Variants in LRRC49 observed in about 807,000 individuals in gnomAD.
LRRC49 encodes leucine rich repeat containing 49, also known as leucine-rich repeat-containing protein 49.
A neutral mutation model predicts 83.3 loss-of-function variants in LRRC49; 50 were observed. The observed-to-expected ratio is 0.60, with a 90% CI of 0.48 to 0.76. LRRC49 has a LOEUF of 0.76. Among genes scored for constraint, LRRC49 ranks in the 30% least tolerant of loss-of-function variants. The pLI is 0.00. For missense variants in LRRC49, 704 were observed against 809.1 expected, an observed-to-expected ratio of 0.87 and a Z score of 1.58; for synonymous variants, 286 against 283.3, an observed-to-expected ratio of 1.01 and a Z score of -0.10.
intron 6 of LRRC49, among the ~76,000 whole-genome samples, chr15:70,917,364 G>GC (rs1327150717): frequency 6.6e-6 from 1 of 152,088 alleles, no homozygotes; most frequent in African/African-American, 2.4e-5. Flanking sequence ...CCGCCCATGG[G>GC]CCAATCAGCA....
chr15:70,879,546 G>A (rs1021494028), intron 2 of LRRC49, among the ~76,000 whole-genome samples: 1 of 152,202 alleles, frequency 6.6e-6, no homozygotes, highest in Non-Finnish European at 1.5e-5. Context: ...TAGCAGCTAA[G>A]CTAAGGCTTG....
chr15:70,924,859 C>T (rs532833323), intron 7 of LRRC49, among the ~76,000 whole-genome samples: 10 of 152,032 alleles, frequency 6.6e-5, no homozygotes, highest in South Asian at 6.2e-4. Flanking sequence ...TTTTCCCAGA[C>T]GTTTGAATAT....
chr15:70,875,656 T>C (rs1398465706), intron 2 of LRRC49, among the ~76,000 whole-genome samples: 1 of 152,194 alleles, frequency 6.6e-6, no homozygotes, highest in Non-Finnish European at 1.5e-5. Flanking sequence ...GTGTTCTAGG[T>C]TTTTCATATT....
chr15:70,900,966 A>G lies in LRRC49; in HGVS notation c.238A>G (p.Ile80Val), dbSNP rs1595996883. ...GAGCTCATCATTGTCATCATTTCCT[A>G]TTCTTCAACGTTCTTCTGAAGAGAA... ...LVSSSLSSFP[I>V]LQRSSEEKIL... Residue 80 changes from isoleucine to valine, a missense_variant, in exon 4 of 16, where the codon ATT becomes GTT. Around this residue, in one of 3 missense-constraint regions of LRRC49, gnomAD observed 261 missense variants for 330.5 expected, o/e 0.79. Transcript: ENST00000260382. The G allele has an allele frequency of 1.2e-6, 2 of 1,611,196 alleles. No individual in the cohort carries two copies. The highest frequency in any genetic ancestry group is 1.1e-5 in the South Asian group (1 of 90,632).
At chr15:70,915,260 T>A (rs571005583) in intron 6 of LRRC49, among the ~76,000 whole-genome samples, 145 of 152,238 alleles carry the variant, frequency 9.5e-4, no homozygotes, top group Non-Finnish European at 1.6e-3. Flanking sequence ...TGGGTCTATA[T>A]ACAAGAATTA....
chr15:70,984,785 C>G (rs1378475038), intron 11 of LRRC49, among the ~76,000 whole-genome samples: 1 of 119,698 alleles, frequency 8.4e-6, no homozygotes, highest in East Asian at 2.9e-4. Context: ...CCCCCTCCCC[C>G]CACCCCACAA....
At chr15:70,858,807 G>A (rs751129008) in intron 1 of LRRC49, 124 of 823,500 alleles carry the variant, frequency 1.5e-4, no homozygotes, top group Non-Finnish European at 2.0e-4. Flanking sequence ...CCCAGTGCCC[G>A]CATCAGCACC....
rs116523072 is a variant in LRRC49 at position 71,048,763 on chromosome 15, G to C, written c.1858-646G>C. On this transcript the variant is annotated intron_variant, in intron 15 of 15. Coordinates refer to ENST00000260382, the MANE Select transcript of LRRC49 (RefSeq NM_017691.5). Reference sequence around the variant, plus strand: ...TCCAAAATTCCTCTGTTGTGTTTAGGACCAGGTTTTTCATTTTCACACTGC... The same window carrying C: ...TCCAAAATTCCTCTGTTGTGTTTAGCACCAGGTTTTTCATTTTCACACTGC... 310 of 455,836 alleles carry C rather than the reference G, an allele frequency of 6.8e-4. 1 individual carries two copies. The highest frequency in any genetic ancestry group is 5.6e-3 in the African/African-American group (283 of 50,144). 28.2% of individuals were successfully genotyped at this position (455,836 alleles called of 1,614,324 possible).
intron 15 of LRRC49, among the ~76,000 whole-genome samples, chr15:71,045,261 A>C (rs1288476098): frequency 6.6e-6 from 1 of 152,218 alleles, no homozygotes; most frequent in African/African-American, 2.4e-5. Flanking sequence ...ACTTTTTAAT[A>C]AAAATTTCAA....
chr15:70,916,393 C>T (rs2034774477), intron 6 of LRRC49, among the ~76,000 whole-genome samples: 1 of 152,160 alleles, frequency 6.6e-6, no homozygotes, highest in East Asian at 1.9e-4. Context: ...CTCCTGGGTT[C>T]AAGTGATTCT....
At chr15:71,016,680 AT>A (rs1353669979) in intron 14 of LRRC49, among the ~76,000 whole-genome samples, 1 of 152,092 alleles carries the variant, frequency 6.6e-6, no homozygotes, top group African/African-American at 2.4e-5. Context: ...TATCAAAATA[AT>A]TAATATTTCT....
intron 7 of LRRC49, among the ~76,000 whole-genome samples, chr15:70,922,159 A>G (rs1439312250): frequency 2.0e-5 from 3 of 152,204 alleles, no homozygotes; most frequent in African/African-American, 7.2e-5. Flanking sequence ...CATATGATCC[A>G]GCAGTCCTAC....
At chr15:71,020,297 G>C in intron 14 of LRRC49, among the ~76,000 whole-genome samples, 1 of 152,174 alleles carries the variant, frequency 6.6e-6, no homozygotes, top group South Asian at 2.1e-4. Context: ...AAAGAAGATA[G>C]AGTATATGAG....
At chr15:71,007,522 A>G (rs1025106818) in intron 11 of LRRC49, among the ~76,000 whole-genome samples, 2 of 151,786 alleles carry the variant, frequency 1.3e-5, no homozygotes, top group East Asian at 1.9e-4. Flanking sequence ...AACAAAAACC[A>G]TGCTTTGTTT....
chr15:70,994,207 CT>C (rs2037999713), intron 11 of LRRC49, among the ~76,000 whole-genome samples: 1 of 152,132 alleles, frequency 6.6e-6, no homozygotes, highest in Non-Finnish European at 1.5e-5. Flanking sequence ...TTTCAATTGA[CT>C]AGTCAATTTG....
At chr15:71,047,816 G>A (rs180817506) in intron 15 of LRRC49, among the ~76,000 whole-genome samples, 1,667 of 152,070 alleles carry the variant, frequency 0.011, 32 homozygotes, top group African/African-American at 0.037. Context: ...TTGCTCTGTC[G>A]CCCAGGCTGG....
chr15:70,987,130 C>G (rs1192316901), intron 11 of LRRC49, among the ~76,000 whole-genome samples: 2 of 152,178 alleles, frequency 1.3e-5, no homozygotes, highest in African/African-American at 4.8e-5. Flanking sequence ...GCTTTGGTAT[C>G]AGGATGATGC....
In LRRC49 at chr15:71,052,098, T is replaced by A. The variant is rs2040002350; in HGVS notation, c.*2486T>A. 6.6e-6 allele frequency: 1 copy of A among 152,206 alleles called. No individual in the cohort carries two copies. The highest frequency in any genetic ancestry group is 1.5e-5 in the Non-Finnish European group (1 of 68,060). The allele number at this position is 152,206 out of a possible 1,614,324, so 9.4% of individuals were successfully genotyped here. On this transcript the variant is annotated 3_prime_UTR_variant, in exon 16 of 16. Transcript: ENST00000260382. The stretch of plus-strand genomic sequence containing the variant: ...CCCCAGATAAAAAGACAAGGAGACC[T>A]GGGTCTGCTGGGTTAGGGATCAAGT...
chr15:71,043,862 T>G (rs1487213812), intron 15 of LRRC49, among the ~76,000 whole-genome samples: 2 of 152,246 alleles, frequency 1.3e-5, no homozygotes, highest in Non-Finnish European at 2.9e-5. Flanking sequence ...ATCATTTAAT[T>G]GTTTTAATTT....
Sources: allele counts gnomAD v4.1 joint callset (sites outside exome capture counted in the v4.1 genomes callset), GRCh38; gene constraint gnomAD v4.1.1; regional missense constraint gnomAD v4.1.1; transcripts MANE v1.5; gene names NCBI Gene and HGNC (gene_info 2026-07-23, HGNC 2026-07-21).